ITGB1: variants seen among roughly 807,000 people sequenced by gnomAD.
The protein encoded by ITGB1 is integrin subunit beta 1.
A neutral mutation model predicts 86.5 loss-of-function variants in ITGB1; 24 were observed. The ratio of observed to expected loss-of-function variants is 0.28; its 90% CI spans 0.20 to 0.39. The LOEUF (loss-of-function observed/expected upper bound fraction) is 0.39. Among genes scored for constraint, ITGB1 ranks in the 10% least tolerant of loss-of-function variants. ITGB1 has a pLI of 1.00. For missense variants in ITGB1, 556 were observed against 946.9 expected (o/e 0.59, Z 5.42); for synonymous variants, 323 against 316.8 (o/e 1.02, Z -0.21).
intron 5 of ITGB1, 91 bp from the exon 6 acceptor site, chr10:32,926,200 A>G (rs2137215324): frequency 2.0e-6 from 2 of 983,632 alleles, no homozygotes; most frequent in Non-Finnish European, 1.6e-6. Context: ...CATCTATGTT[A>G]CCAAATGTAG....
Position 32,911,436 on chromosome 10 carries a change from G to A in ITGB1, c.1931+12C>T, listed in dbSNP as rs376275446. On this transcript the variant is annotated intron_variant, in intron 13 of 15. Transcript: ENST00000302278. ...AAGTATCAACTATTTCAAGCAATTAGGAAATACTTACTTATGCTCAGCACA... is the reference window on the plus strand; with the variant it reads ...AAGTATCAACTATTTCAAGCAATTAAGAAATACTTACTTATGCTCAGCACA... 1.1e-5 allele frequency: 17 copies of A among 1,609,074 alleles called. No individual in the cohort carries two copies. In the African/African-American group the frequency reaches 1.7e-4, roughly 16 times the overall value.
intron 1 of ITGB1, among the ~76,000 whole-genome samples, chr10:32,945,758 A>G (rs1441461619): frequency 2.0e-5 from 3 of 151,990 alleles, no homozygotes; most frequent in Non-Finnish European, 2.9e-5. Flanking sequence ...AAAATTCCAG[A>G]AAAAAAAGCA....
At chr10:32,938,691 A>C (rs1357866455) in intron 1 of ITGB1, among the ~76,000 whole-genome samples, 1 of 152,222 alleles carries the variant, frequency 6.6e-6, no homozygotes, top group East Asian at 1.9e-4. Flanking sequence ...CAGTTTAATG[A>C]CAGATGTCAA....
intron 2 of ITGB1, among the ~76,000 whole-genome samples, chr10:32,933,042 G>A (rs144091842): frequency 2.6e-5 from 4 of 151,790 alleles, no homozygotes; most frequent in East Asian, 1.9e-4. Flanking sequence ...TAACACTCCC[G>A]ACTTCCTCCC....
intron 12 of ITGB1, 56 bp downstream of exon 12, chr10:32,911,830 T>A: frequency 1.3e-6 from 2 of 1,505,644 alleles, no homozygotes; most frequent in Non-Finnish European, 1.8e-6. Flanking sequence ...AACTCAAGAT[T>A]TTTCGTGGCA....
At chr10:32,943,003 G>A (rs2095022632) in intron 1 of ITGB1, among the ~76,000 whole-genome samples, 1 of 152,146 alleles carries the variant, frequency 6.6e-6, no homozygotes, top group Non-Finnish European at 1.5e-5. Context: ...GCAATGGAGT[G>A]AGACCCTGCC....
At chr10:32,913,695 G>A (rs2094921600) in intron 11 of ITGB1, among the ~76,000 whole-genome samples, 1 of 152,226 alleles carries the variant, frequency 6.6e-6, no homozygotes, top group East Asian at 1.9e-4. Flanking sequence ...TCTGATTGGT[G>A]TACCAGAAAG....
rs200255555 is a variant in ITGB1 at position 32,900,490 on chromosome 10, T to C, written c.*1080A>G. 2.0e-4 allele frequency: 30 copies of C among 150,904 alleles called. No individual in the cohort carries two copies. The highest frequency in any genetic ancestry group is 6.8e-4 in the African/African-American group (28 of 40,900). 9.3% of individuals were successfully genotyped at this position (150,904 alleles called of 1,614,324 possible). A position where few individuals can be genotyped will look rare whatever the true frequency, so the allele number is the denominator to read the frequency against. ...ACTAAAGGCACTTAAAACAAGAATG[T>C]GACTAGTGTGAAACAAGATGGGCAA... On this transcript the variant is annotated 3_prime_UTR_variant, in exon 16 of 16. Transcript: ENST00000302278.
At chr10:32,950,157 T>C (rs1182916759) in intron 1 of ITGB1, among the ~76,000 whole-genome samples, 1 of 152,174 alleles carries the variant, frequency 6.6e-6, no homozygotes, top group Non-Finnish European at 1.5e-5. Flanking sequence ...TCTACCATCA[T>C]TATTTTCTGT....
chr10:32,940,615 CAT>C (rs2095016128), intron 1 of ITGB1, among the ~76,000 whole-genome samples: 1 of 152,174 alleles, frequency 6.6e-6, no homozygotes, highest in African/African-American at 2.4e-5. Context: ...ACCGAAAAGT[CAT>C]TATGTGGCAC....
Position 32,926,038 on chromosome 10 carries a change from A to T in ITGB1, c.619T>A (p.Cys207Ser). 6.2e-7 allele frequency: 1 copy of T among 1,614,154 alleles called. No homozygotes were observed. The highest frequency in any genetic ancestry group is 8.5e-7 in the Non-Finnish European group (1 of 1,180,014). ...STTPAKLRNPCTSEQNCTSPF... is the reference protein window; with the variant it reads ...STTPAKLRNPSTSEQNCTSPF... ...CTGGTGCAGTTCTGTTCACTTGTGCAAGGGTTCCTGAGCTTAGCTGGTGTT... is the reference window on the plus strand; with the variant it reads ...CTGGTGCAGTTCTGTTCACTTGTGCTAGGGTTCCTGAGCTTAGCTGGTGTT... The change falls in exon 6 of 16, where the codon TGC becomes AGC. Residue 207 changes from cysteine to serine, a missense_variant. Physicochemically the swap from Cys to Ser is moderately radical, Grantham distance 112. Transcript: ENST00000302278.
chr10:32,925,986 C>T lies in ITGB1; in HGVS notation c.671G>A (p.Ser224Asn), dbSNP rs1283484385. 6.2e-7 allele frequency: 1 copy of T among 1,613,978 alleles called. No homozygotes were observed. Among genetic ancestry groups the T allele is most frequent in the Non-Finnish European group, 8.5e-7 (1 of 1,179,860 alleles). ...TSPFSYKNVL[S>N]LTNKGEVFNE... is the part of the protein sequence containing the mutation. ...AAATACTTCTCCTTTATTAGTAAGA[C>T]TGAGCACATTTTTGTAGCTAAATGG... Residue 224 changes from serine (S) to asparagine (N), a missense_variant, in exon 6 of 16, where the codon AGT (serine) becomes AAT (asparagine). Ser to Asn is a conservative substitution (Grantham distance 46). Coordinates refer to ENST00000302278, the MANE Select transcript of ITGB1 (RefSeq NM_002211.4).
chr10:32,907,993 GT>G (rs911073337), intron 15 of ITGB1, among the ~76,000 whole-genome samples: 34 of 151,898 alleles, frequency 2.2e-4, no homozygotes, highest in African/African-American at 8.0e-4. Context: ...TTCACTGAAG[GT>G]TTTTTTTGTT....
chr10:32,938,992 G>A (rs528896960), intron 1 of ITGB1, among the ~76,000 whole-genome samples: 78 of 152,238 alleles, frequency 5.1e-4, no homozygotes, highest in African/African-American at 1.8e-3. Context: ...GGTACTGGGT[G>A]CCCCCTGCAC....
chr10:32,926,749 T>A (rs748827265), intron 5 of ITGB1, among the ~76,000 whole-genome samples: 1 of 152,120 alleles, frequency 6.6e-6, no homozygotes, highest in Admixed American at 6.5e-5. Flanking sequence ...AACGTAAGAA[T>A]AGACTCCTAC....
intron 4 of ITGB1, among the ~76,000 whole-genome samples, chr10:32,928,842 GAAGA>G (rs1243824971): frequency 6.6e-6 from 1 of 151,718 alleles, no homozygotes; most frequent in Admixed American, 6.6e-5. Flanking sequence ...TGAAGGAGGA[GAAGA>G]GAGAGATACA....
intron 11 of ITGB1, among the ~76,000 whole-genome samples, chr10:32,918,250 G>A (rs894212754): frequency 2.0e-5 from 3 of 152,000 alleles, no homozygotes; most frequent in Non-Finnish European, 1.5e-5. Flanking sequence ...TGTAAATGAC[G>A]AGTTAATGGG....
chr10:32,932,632 A>G (rs779663382), intron 2 of ITGB1, 32 bp from the exon 3 acceptor site: 2 of 1,189,626 alleles, frequency 1.7e-6, no homozygotes, highest in South Asian at 1.2e-5. Flanking sequence ...AGAACATTTT[A>G]TGTGAAGTGT....
intron 13 of ITGB1, 124 bp from the exon 14 acceptor site, chr10:32,910,579 C>A: frequency 1.7e-6 from 1 of 583,178 alleles, no homozygotes; most frequent in Non-Finnish European, 3.0e-6. Context: ...AGGAAGATTT[C>A]AATAAATGAA....
Sources: gnomAD v4.1 joint callset for allele counts (sites outside exome capture counted in the v4.1 genomes callset) on GRCh38, gnomAD v4.1.1 for gene constraint, MANE v1.5 for transcripts, NCBI Gene and HGNC (gene_info 2026-07-23, HGNC 2026-07-21) for gene names.